TCTN1: variants seen among roughly 807,000 people sequenced by gnomAD.
The protein encoded by TCTN1 is tectonic family member 1.
TCTN1 carries 58 observed loss-of-function variants against 65.8 expected under a neutral mutation model. That is an observed-to-expected ratio of 0.88 (90% CI 0.71 to 1.10). The LOEUF (loss-of-function observed/expected upper bound fraction) is 1.10, where lower values mean the gene tolerates loss of function less well. TCTN1 is among the 50% of genes least tolerant of loss of function. The pLI, the probability that TCTN1 is intolerant of heterozygous loss-of-function variation, is 0.00. For synonymous variants in TCTN1, 273 were observed against 289.1 expected, an observed-to-expected ratio of 0.94 and a Z score of 0.57; for missense variants, 645 against 719.4, an observed-to-expected ratio of 0.90 and a Z score of 1.18.
At chr12:110,636,265 A>G in intron 6 of TCTN1, 1 of 482,514 alleles carries the variant, frequency 2.1e-6, no homozygotes, top group Non-Finnish European at 3.8e-6. Context: ...ACCTGGAGGA[A>G]ATGAAGATAG....
In TCTN1 at chr12:110,639,304, C is replaced by T. The variant is rs1205631596; in HGVS notation, c.844-1079C>T. On this transcript the variant is annotated intron_variant, in intron 7 of 14. Coordinates refer to ENST00000397659, the MANE Select transcript of TCTN1 (RefSeq NM_001082538.3). This position sits in a 1 kb window ranked among gnomAD's most constrained non-coding sequence, Gnocchi z 4.9. ...TAGAGGATGGCTTGATGCCTTGTTACTCTGCTGGTGGTGGCCATGAATGCA... is the reference window on the plus strand; with the variant it reads ...TAGAGGATGGCTTGATGCCTTGTTATTCTGCTGGTGGTGGCCATGAATGCA... Among the ~76,000 whole-genome samples, 5 of 152,224 alleles carry T rather than the reference C, an allele frequency of 3.3e-5. No homozygotes were observed.
intron 10 of TCTN1, chr12:110,641,930 C>T (rs1233834582): frequency 3.2e-5 from 17 of 536,402 alleles, no homozygotes; most frequent in Admixed American, 6.8e-5. Context: ...TGTTTTACAA[C>T]GAAAATCTTA....
At chr12:110,628,126 G>A (rs7310513) in intron 3 of TCTN1, 71 of 1,536,024 alleles carry the variant, frequency 4.6e-5, no homozygotes, top group Middle Eastern at 1.7e-4. Context: ...ATAGCCATCC[G>A]GAGAGAGCTT....
In TCTN1 at chr12:110,619,955, A is replaced by G; in HGVS notation, c.340A>G (p.Thr114Ala). Residue 114 changes from threonine (T) to alanine (A), a missense_variant and splice_region_variant, in exon 2 of 15, where the codon ACG becomes GCG. By Grantham distance (58) the Thr-to-Ala change is moderately conservative. Transcript: ENST00000397659. The part of the protein sequence containing the change: ...VFSACSVPVV[T>A]GDSQFCSQKA... The stretch of plus-strand genomic sequence containing the variant: ...TTCTGCCTGCTCAGTTCCAGTTGTC[A>G]CGTAAGTTTACGTATGACACATGCA... 1.2e-6 allele frequency: 2 copies of G among 1,614,136 alleles called. No homozygotes were observed. Among genetic ancestry groups the G allele is most frequent in the Non-Finnish European group, 1.7e-6 (2 of 1,180,024 alleles).
chr12:110,636,285 G>C, intron 6 of TCTN1, 196 bp from the exon 7 acceptor site: 4 of 511,132 alleles, frequency 7.8e-6, no homozygotes, highest in Non-Finnish European at 1.4e-5. Context: ...GAAGGAAAAC[G>C]CAATGTGACC....
chr12:110,627,843 A>G (rs1430235388), intron 3 of TCTN1: 2 of 602,274 alleles, frequency 3.3e-6, no homozygotes, highest in African/African-American at 3.7e-5. Context: ...GATCAGAGAC[A>G]CGTTTATGCT....
rs199654159 is a variant in TCTN1 at position 110,619,912 on chromosome 12, C to T, written c.297C>T (p.Ser99=). ...GCTGCTGTGATCCCGACTGCAGCTC[C>T]GTGGATTTCAGTGTCTTTTCTGCCT... is the stretch of plus-strand genomic sequence containing the variant. The part of the protein sequence containing the change: ...INCCCDPDCS[S]VDFSVFSACS... Residue 99 remains serine (S), a synonymous_variant, in exon 2 of 15, where the codon TCC becomes TCT. Coordinates refer to ENST00000397659, the MANE Select transcript of TCTN1 (RefSeq NM_001082538.3). 2.8e-5 allele frequency: 45 copies of T among 1,613,946 alleles called. No homozygotes were observed. The highest frequency in any genetic ancestry group is 3.6e-5 in the Non-Finnish European group (43 of 1,180,034).
At position 110,645,131 on chromosome 12, in the gene TCTN1, T is replaced by C. The variant is rs2067211703; in HGVS notation, c.1494+2T>C. The stretch of plus-strand genomic sequence containing the variant: ...ATCACCCAGTCATTCAACAGGAAGG[T>C]AAAGGGGAGAAGGTACAGGTTCCAT... On this transcript the variant is annotated splice_donor_variant, in intron 12 of 14. Transcript: ENST00000397659. LOFTEE classifies it high-confidence loss of function. The C allele has an allele frequency of 6.2e-7, 1 of 1,613,536 alleles. No homozygotes were observed. The highest frequency in any genetic ancestry group is 8.5e-7 in the Non-Finnish European group (1 of 1,179,890).
At chr12:110,626,291 T>A in intron 2 of TCTN1, 71 bp from the exon 3 acceptor site, 1 of 1,493,942 alleles carries the variant, frequency 6.7e-7, no homozygotes, top group Non-Finnish European at 9.0e-7. Flanking sequence ...ATCTGACAGT[T>A]TTAAAATAAT....
At chr12:110,629,747 T>A (rs536683867) in intron 4 of TCTN1, 3 of 152,220 alleles carry the variant, frequency 2.0e-5, no homozygotes, top group African/African-American at 7.2e-5. Context: ...TTACTGAGTA[T>A]ATACCCAAAG....
chr12:110,648,028 G>A (rs771278379), intron 14 of TCTN1, 135 bp downstream of exon 14: 65 of 1,355,188 alleles, frequency 4.8e-5, no homozygotes, highest in Non-Finnish European at 6.4e-5. Context: ...CTGGAGTGCA[G>A]TGGTGTGATC....
intron 7 of TCTN1, among the ~76,000 whole-genome samples, chr12:110,638,213 G>A (rs2066712417): frequency 6.6e-6 from 1 of 152,126 alleles, no homozygotes; most frequent in Admixed American, 6.5e-5. Context: ...TACTCTGTGA[G>A]CCCATGTGAC....
Position 110,640,377 on chromosome 12 carries a change from C to T in TCTN1, c.844-6C>T. 6 of 1,614,146 alleles carry T rather than the reference C, an allele frequency of 3.7e-6. No individual in the cohort carries two copies. Among genetic ancestry groups the T allele is most frequent in the Non-Finnish European group, 5.1e-6 (6 of 1,180,026 alleles). ...ATCTTCAACACTCCAGGTCTTCACT[C>T]TGCAGGTCCCTATCACTGTTCAGTC... On this transcript the variant is annotated splice_region_variant and splice_polypyrimidine_tract_variant and intron_variant, in intron 7 of 14. Coordinates refer to ENST00000397659, the MANE Select transcript of TCTN1 (RefSeq NM_001082538.3). This position sits in a 1 kb window ranked among gnomAD's most constrained non-coding sequence, Gnocchi z 4.9.
At chr12:110,648,815 T>A (rs867056000) in intron 14 of TCTN1, 8 of 326,588 alleles carry the variant, frequency 2.4e-5, no homozygotes, top group South Asian at 1.2e-4. Flanking sequence ...ATACAGTAGT[T>A]GTTTTATTTT....
chr12:110,614,574 G>A, intron 1 of TCTN1, 172 bp downstream of exon 1: 1 of 1,333,526 alleles, frequency 7.5e-7, no homozygotes. Flanking sequence ...AGAAGTAGCT[G>A]TTACTATCAC....
Position 110,628,802 on chromosome 12 carries a change from C to G in TCTN1, c.508C>G (p.Pro170Ala). The change falls in exon 4 of 15, where the codon CCT becomes GCT. Residue 170 changes from proline to alanine, a missense_variant. Pro to Ala is a conservative substitution (Grantham distance 27). Transcript: ENST00000397659. ...ATTATCCTTTATTAATCCAGAAGTACCTGATGAAAACAATTTTGATACATT... is the reference window on the plus strand; with the variant it reads ...ATTATCCTTTATTAATCCAGAAGTAGCTGATGAAAACAATTTTGATACATT... ...PALSFINPEV[P>A]DENNFDTLMK... The G allele has an allele frequency of 6.2e-7, 1 of 1,610,102 alleles. No homozygotes were observed. The highest frequency in any genetic ancestry group is 1.1e-5 in the South Asian group (1 of 90,970).
intron 5 of TCTN1, chr12:110,634,355 A>G (rs1162742482): frequency 2.2e-6 from 1 of 463,364 alleles, no homozygotes; most frequent in African/African-American, 2.0e-5. Context: ...TTTGAATCTC[A>G]TGAATGTATT....
At chr12:110,632,326 T>G in intron 4 of TCTN1, 146 bp from the exon 5 acceptor site, 1 of 774,050 alleles carries the variant, frequency 1.3e-6, no homozygotes, top group Non-Finnish European at 2.3e-6. Context: ...GATGTGAGCT[T>G]CTTGAGGGCA....
intron 6 of TCTN1, among the ~76,000 whole-genome samples, chr12:110,635,470 AC>A (rs992837043): frequency 6.6e-6 from 1 of 151,900 alleles, no homozygotes; most frequent in Non-Finnish European, 1.5e-5. Context: ...ATAAAAAAAA[AC>A]CTTTTGTGTC....
Sources: gnomAD v4.1 joint callset for allele counts (sites outside exome capture counted in the v4.1 genomes callset) on GRCh38, gnomAD v4.1.1 for gene constraint, Gnocchi (gnomAD v3.1) non-coding constraint, MANE v1.5 for transcripts, NCBI Gene and HGNC (gene_info 2026-07-23, HGNC 2026-07-21) for gene names.